PCSK6: variants seen among roughly 807,000 people sequenced by gnomAD.
The protein encoded by PCSK6 is paired basic amino acid cleaving enzyme 4.
A neutral mutation model predicts 123.3 loss-of-function variants in PCSK6; 85 were observed. That is an observed-to-expected ratio of 0.69 (90% CI 0.58 to 0.83). The LOEUF (loss-of-function observed/expected upper bound fraction) is 0.83. Ranked by LOEUF, PCSK6 falls within the 40% of genes least tolerant of loss-of-function variation. PCSK6 has a pLI of 0.00. For synonymous variants in PCSK6, 508 were observed against 516.0 expected (o/e 0.98, Z 0.21); for missense variants, 1,191 against 1,282.3 (o/e 0.93, Z 1.09).
chr15:101,386,635 C>T (rs1319020670), intron 9 of PCSK6, among the ~76,000 whole-genome samples: 4 of 152,214 alleles, frequency 2.6e-5, no homozygotes, highest in African/African-American at 9.6e-5. Flanking sequence ...CTTAGCACAA[C>T]GTCCTTGAGG....
chr15:101,378,254 C>T (rs1004871433), intron 11 of PCSK6, among the ~76,000 whole-genome samples: 2 of 152,204 alleles, frequency 1.3e-5, no homozygotes, highest in Admixed American at 6.5e-5. Context: ...TATGTACCTT[C>T]GTTTAATTGA....
At chr15:101,315,489 C>T (rs2039968500) in intron 19 of PCSK6, among the ~76,000 whole-genome samples, 1 of 152,224 alleles carries the variant, frequency 6.6e-6, no homozygotes, top group Non-Finnish European at 1.5e-5. Context: ...TATACAGGAC[C>T]TGCTATGTTG....
chr15:101,409,915 A>G (rs1334135395), intron 6 of PCSK6, among the ~76,000 whole-genome samples: 1 of 152,044 alleles, frequency 6.6e-6, no homozygotes, highest in Non-Finnish European at 1.5e-5. Context: ...GCATTCTGGG[A>G]GGGGCCTTCA....
At chr15:101,326,593 A>G (rs1012902767) in intron 15 of PCSK6, 114 bp from the exon 16 acceptor site, 22 of 1,026,794 alleles carry the variant, frequency 2.1e-5, no homozygotes, top group Non-Finnish European at 3.0e-5. Flanking sequence ...AGACGCTCCC[A>G]GGCCCCGCTG....
chr15:101,424,606 T>A (rs2056192028), intron 6 of PCSK6, among the ~76,000 whole-genome samples: 1 of 148,508 alleles, frequency 6.7e-6, no homozygotes, highest in African/African-American at 2.5e-5. Context: ...GGAAGACCAG[T>A]CAGTGGAATG....
chr15:101,337,534 T>C (rs931948763), intron 13 of PCSK6: 2 of 152,260 alleles, frequency 1.3e-5, no homozygotes, highest in African/African-American at 4.8e-5. Flanking sequence ...ATAACTCTTT[T>C]GGCATATTTC....
At chr15:101,316,605 A>C (rs1395496568) in intron 19 of PCSK6, among the ~76,000 whole-genome samples, 1 of 152,246 alleles carries the variant, frequency 6.6e-6, no homozygotes, top group South Asian at 2.1e-4. Flanking sequence ...CTGCTGGGGA[A>C]ATCTGCTGAG....
chr15:101,352,137 A>T (rs924796627), intron 13 of PCSK6, among the ~76,000 whole-genome samples: 51 of 97,004 alleles, frequency 5.3e-4, no homozygotes, highest in Admixed American at 4.3e-3. Flanking sequence ...TATTTTTCTA[A>T]TTTTTTTTTT....
Position 101,337,708 on chromosome 15 carries a change from A to C in PCSK6, c.1859-5677T>G, listed in dbSNP as rs1596199116. Among the ~76,000 whole-genome samples the C allele has an allele frequency of 2.6e-5, 4 of 152,290 alleles. No individual in the cohort carries two copies. In the South Asian group the frequency reaches 8.3e-4, roughly 32 times the overall value. On this transcript the variant is annotated intron_variant, in intron 13 of 21. Transcript: ENST00000611716. ...TCTCTTCCTTCAGCCTAGAGGCATC[A>C]CGGGGGCAGGGAACATGTCTCTCTT... is the stretch of plus-strand genomic sequence containing the variant.
Position 101,370,433 on chromosome 15 carries a change from G to GC in PCSK6, c.1622_1623insG (p.His541GlnfsTer41). ...GTGAGATGGAGGTGCGAACCACCAC[G>GC]TGCTCCAAGTAGACCACCCGCTGGT... On this transcript the variant is annotated frameshift_variant, in exon 12 of 22. Coordinates refer to ENST00000611716, the MANE Select transcript of PCSK6 (RefSeq NM_002570.5). LOFTEE classifies it high-confidence loss of function. 1 of 1,552,022 alleles carries GC rather than the reference G, an allele frequency of 6.4e-7. No individual in the cohort carries two copies. The highest frequency in any genetic ancestry group is 8.7e-7 in the Non-Finnish European group (1 of 1,147,154).
At chr15:101,482,328 T>C (rs980579802) in intron 1 of PCSK6, among the ~76,000 whole-genome samples, 3 of 152,118 alleles carry the variant, frequency 2.0e-5, no homozygotes, top group Non-Finnish European at 4.4e-5. Context: ...CATCAGCTGG[T>C]GGGAGCAAGA....
At chr15:101,369,659 C>T (rs753216568) in intron 12 of PCSK6, among the ~76,000 whole-genome samples, 1 of 152,248 alleles carries the variant, frequency 6.6e-6, no homozygotes, top group Non-Finnish European at 1.5e-5. Context: ...CCATAAACAC[C>T]TTCATTCTAA....
intron 11 of PCSK6, among the ~76,000 whole-genome samples, chr15:101,380,371 C>T (rs2041881802): frequency 6.6e-6 from 1 of 152,236 alleles, no homozygotes; most frequent in Non-Finnish European, 1.5e-5. Context: ...AGGGCAGCCC[C>T]CAGGTCAGGA....
chr15:101,375,048 G>A (rs1359686183), intron 11 of PCSK6, among the ~76,000 whole-genome samples: 1 of 151,940 alleles, frequency 6.6e-6, no homozygotes, highest in Non-Finnish European at 1.5e-5. Flanking sequence ...TGCCTCCCGG[G>A]TTCAAGCAAT....
chr15:101,313,795 C>A lies in PCSK6; in HGVS notation c.2570-290G>T, dbSNP rs956915551. ...GATGATGGGCCCTGTTTCCAACAGG[C>A]CTAGGCCCACCTCTGCTCCCTGAAC... On this transcript the variant is annotated intron_variant, in intron 19 of 21. Transcript: ENST00000611716. The A allele has an allele frequency of 2.3e-5, 8 of 344,434 alleles. No homozygotes were observed. In the East Asian group the frequency reaches 4.4e-4, roughly 19 times the overall value. The allele number at this position is 344,434 out of a possible 1,614,324, so 21.3% of individuals were successfully genotyped here.
At chr15:101,485,188 C>G (rs887868217) in intron 1 of PCSK6, among the ~76,000 whole-genome samples, 1 of 152,228 alleles carries the variant, frequency 6.6e-6, no homozygotes, top group Non-Finnish European at 1.5e-5. Context: ...CCCCAGCGAA[C>G]TTGAGTGAAG....
intron 9 of PCSK6, among the ~76,000 whole-genome samples, chr15:101,387,213 C>T (rs1316959498): frequency 6.6e-6 from 1 of 152,226 alleles, no homozygotes. Flanking sequence ...CACACGCCAA[C>T]CTCACTGTTA....
At chr15:101,390,140 C>A (rs1408393843) in intron 8 of PCSK6, among the ~76,000 whole-genome samples, 1 of 44,210 alleles carries the variant, frequency 2.3e-5, no homozygotes, top group South Asian at 9.2e-4. Context: ...ATGTTCTTGA[C>A]CGCCCAAGGC....
At position 101,426,613 on chromosome 15, in the gene PCSK6, A is replaced by G. The variant is rs148174011; in HGVS notation, c.823+1279T>C. On this transcript the variant is annotated intron_variant, in intron 6 of 21. Transcript: ENST00000611716. ...AAGATTTCCACGGGAAAAGGCAGGC[A>G]GAGTCCTAATTAAGTAAAAGCTAAG... Among the ~76,000 whole-genome samples the G allele has an allele frequency of 1.4e-3, 215 of 152,366 alleles. 4 individuals carry two copies. In the South Asian group the frequency reaches 0.036, roughly 26 times the overall value.
Sources: gnomAD v4.1 joint callset for allele counts (sites outside exome capture counted in the v4.1 genomes callset) on GRCh38, gnomAD v4.1.1 for gene constraint, MANE v1.5 for transcripts, NCBI Gene and HGNC (gene_info 2026-07-23, HGNC 2026-07-21) for gene names.